BACH2: variants seen among roughly 807,000 people sequenced by gnomAD.
The protein encoded by BACH2 is transcription regulator protein BACH2.
Under a neutral mutation model 61.8 loss-of-function variants are expected in BACH2, and 5 were observed. The ratio of observed to expected loss-of-function variants is 0.08; its 90% confidence interval spans 0.04 to 0.17. BACH2 has a LOEUF of 0.17. Ranked by LOEUF, BACH2 falls within the 10% of genes least tolerant of loss-of-function variation. The pLI, the probability that BACH2 is intolerant of heterozygous loss-of-function variation, is 1.00. For missense variants in BACH2, 824 were observed against 1,091.1 expected, an observed-to-expected ratio of 0.76 and a Z score of 3.45; for synonymous variants, 446 against 440.1, an observed-to-expected ratio of 1.01 and a Z score of -0.17.
At chr6:89,980,121 C>G (rs10455167) in intron 6 of BACH2, among the ~76,000 whole-genome samples, 39,716 of 151,790 alleles carry the variant, frequency 0.26, 5,560 homozygotes, top group African/African-American at 0.33. Flanking sequence ...ATGGTGAAAC[C>G]CCATCTCTAC....
At chr6:90,018,716 C>T (rs1210580630) in intron 5 of BACH2, among the ~76,000 whole-genome samples, 2 of 152,092 alleles carry the variant, frequency 1.3e-5, no homozygotes, top group Non-Finnish European at 2.9e-5. Context: ...ACAAAGATGC[C>T]TCTGTGAAGA....
intron 3 of BACH2, among the ~76,000 whole-genome samples, chr6:90,227,753 C>T (rs1769963171): frequency 6.6e-6 from 1 of 151,996 alleles, no homozygotes; most frequent in South Asian, 2.1e-4. Context: ...TAGAAATCAA[C>T]TAGACTTCAA....
At chr6:90,290,398 C>A (rs1772143138) in intron 1 of BACH2, among the ~76,000 whole-genome samples, 1 of 152,176 alleles carries the variant, frequency 6.6e-6, no homozygotes, top group African/African-American at 2.4e-5. Context: ...GGGTTTGCTC[C>A]CCATTAGCAC....
chr6:89,957,386 G>A (rs889495629), intron 6 of BACH2, among the ~76,000 whole-genome samples: 2 of 152,156 alleles, frequency 1.3e-5, no homozygotes, highest in Non-Finnish European at 2.9e-5. Context: ...GGTTATTTTA[G>A]TATTAATTTT....
intron 3 of BACH2, among the ~76,000 whole-genome samples, chr6:90,221,366 C>T (rs972966296): frequency 6.6e-6 from 1 of 152,114 alleles, no homozygotes; most frequent in South Asian, 2.1e-4. Context: ...AAGGTCCAGT[C>T]CTATACACCT....
chr6:90,029,371 T>C (rs1778825771), intron 5 of BACH2, among the ~76,000 whole-genome samples: 1 of 152,260 alleles, frequency 6.6e-6, no homozygotes, highest in Non-Finnish European at 1.5e-5. Context: ...GAGATGTAAA[T>C]GTGATGGCTC....
At chr6:90,241,545 A>G (rs916902464) in intron 3 of BACH2, among the ~76,000 whole-genome samples, 1 of 152,244 alleles carries the variant, frequency 6.6e-6, no homozygotes, top group Non-Finnish European at 1.5e-5. Context: ...AAAAATACAT[A>G]GAAATAAAAC....
chr6:90,115,458 G>GC (rs1448906018), intron 4 of BACH2, among the ~76,000 whole-genome samples: 7 of 152,130 alleles, frequency 4.6e-5, no homozygotes, highest in African/African-American at 1.7e-4. Flanking sequence ...GGGATAACTG[G>GC]CTAGCTATAT....
chr6:90,137,058 C>T (rs1423318465), intron 4 of BACH2, among the ~76,000 whole-genome samples: 1 of 151,488 alleles, frequency 6.6e-6, no homozygotes, highest in African/African-American at 2.4e-5. Flanking sequence ...TGTGCACATA[C>T]ATAAAAAAAA....
At chr6:90,113,554 G>C (rs1392121253) in intron 4 of BACH2, among the ~76,000 whole-genome samples, 1 of 152,048 alleles carries the variant, frequency 6.6e-6, no homozygotes, top group Non-Finnish European at 1.5e-5. Context: ...TGAGAACAAA[G>C]ATATACCAGA....
At chr6:89,948,731 C>T (rs1194474450) in intron 7 of BACH2, among the ~76,000 whole-genome samples, 1 of 152,184 alleles carries the variant, frequency 6.6e-6, no homozygotes, top group Non-Finnish European at 1.5e-5. Context: ...CAGCCTTTCA[C>T]TATTTTCGGG....
intron 3 of BACH2, among the ~76,000 whole-genome samples, chr6:90,217,623 C>T (rs1168077081): frequency 6.6e-6 from 1 of 152,104 alleles, no homozygotes; most frequent in Admixed American, 6.6e-5. Flanking sequence ...ATAATCTACT[C>T]ACTATTCTTT....
chr6:90,059,205 A>C (rs1295557315), intron 5 of BACH2, among the ~76,000 whole-genome samples: 1 of 152,292 alleles, frequency 6.6e-6, no homozygotes, highest in Non-Finnish European at 1.5e-5. Context: ...GAACGGGAGA[A>C]AAGTTTTGCA....
intron 1 of BACH2, among the ~76,000 whole-genome samples, chr6:90,285,176 A>G (rs1370823076): frequency 6.6e-6 from 1 of 152,258 alleles, no homozygotes; most frequent in African/African-American, 2.4e-5. Flanking sequence ...ACAAACAGTG[A>G]AACCATCTCT....
At chr6:90,253,260 G>T (rs1770871404) in intron 2 of BACH2, among the ~76,000 whole-genome samples, 1 of 151,930 alleles carries the variant, frequency 6.6e-6, no homozygotes, top group African/African-American at 2.4e-5. Context: ...AAAAAGGGAG[G>T]TACTTCTATA....
At chr6:90,226,813 T>G (rs934490904) in intron 3 of BACH2, among the ~76,000 whole-genome samples, 1 of 152,172 alleles carries the variant, frequency 6.6e-6, no homozygotes, top group African/African-American at 2.4e-5. Flanking sequence ...AATAATATAT[T>G]AACTTCATTT....
rs1012848459 is a variant in BACH2 at position 90,144,727 on chromosome 6, G to A, written c.-161-55618C>T. On this transcript the variant is annotated intron_variant, in intron 4 of 8. Coordinates refer to ENST00000257749, the MANE Select transcript of BACH2 (RefSeq NM_021813.4). Reference sequence around the variant, plus strand: ...TCTAGAAGCAAACATAAATAAATTCGTAATCCTTCCTGACACACTCCATTT... The same window carrying A: ...TCTAGAAGCAAACATAAATAAATTCATAATCCTTCCTGACACACTCCATTT... Among the ~76,000 whole-genome samples, 5 of 152,102 alleles carry A rather than the reference G, an allele frequency of 3.3e-5. No individual in the cohort carries two copies. The East Asian group carries it at 5.8e-4, about 18-fold the overall frequency.
intron 4 of BACH2, among the ~76,000 whole-genome samples, chr6:90,204,895 G>A (rs973497848): frequency 3.9e-5 from 6 of 152,186 alleles, no homozygotes; most frequent in African/African-American, 1.4e-4. Context: ...GGGTTGAAGC[G>A]GGAAAACTCA....
chr6:90,062,288 C>T (rs1020767940), intron 5 of BACH2, among the ~76,000 whole-genome samples: 2 of 152,082 alleles, frequency 1.3e-5, no homozygotes, highest in Non-Finnish European at 2.9e-5. Flanking sequence ...TCTACTCCAC[C>T]CTAGCTTCAA....
Sources: allele counts gnomAD v4.1 joint callset (sites outside exome capture counted in the v4.1 genomes callset), GRCh38; gene constraint gnomAD v4.1.1; transcripts MANE v1.5; gene names NCBI Gene and HGNC (gene_info 2026-07-23, HGNC 2026-07-21).